The following SLC36A1 variants were observed in gnomAD, a reference collection of about 807,000 sequenced individuals.
SLC36A1 encodes the protein proton-coupled amino acid transporter 1.
Under a neutral mutation model 47.5 loss-of-function variants are expected in SLC36A1, and 30 were observed. The ratio of observed to expected loss-of-function variants is 0.63; its 90% CI spans 0.47 to 0.86. The LOEUF (loss-of-function observed/expected upper bound fraction) is 0.86. Ranked by LOEUF, SLC36A1 falls within the 40% of genes least tolerant of loss-of-function variation. SLC36A1 has a pLI of 0.00. For missense variants in SLC36A1, 517 were observed against 606.0 expected (o/e 0.85, Z 1.54); for synonymous variants, 255 against 249.7 (o/e 1.02, Z -0.20).
At chr5:151,509,232 C>T in the SLC36A1 span, among the ~76,000 whole-genome samples, 18 of 152,326 alleles carry the variant, frequency 1.2e-4, 1 homozygote, top group African/African-American at 4.1e-4. Context: ...ACCAGAACTA[C>T]CTGAGGAGCT....
intron 9 of SLC36A1, chr5:151,477,018 G>T: frequency 1.7e-6 from 1 of 593,502 alleles, no homozygotes; most frequent in South Asian, 1.6e-5. Context: ...AGCTCAGAAG[G>T]ACCGAGTATC....
At chr5:151,437,664 C>A (rs1759849650) in intron 1 of SLC36A1, among the ~76,000 whole-genome samples, 1 of 152,078 alleles carries the variant, frequency 6.6e-6, no homozygotes, top group African/African-American at 2.4e-5. Context: ...TGTTTTAGTT[C>A]TTTATTGCTT....
the SLC36A1 span, among the ~76,000 whole-genome samples, chr5:151,515,726 C>T: frequency 2.6e-5 from 4 of 152,194 alleles, no homozygotes; most frequent in Admixed American, 2.6e-4. Context: ...TCTGTCATCA[C>T]CCTGGTCTAA....
the SLC36A1 span, chr5:151,380,354 G>T: frequency 1.4e-5 from 4 of 293,690 alleles, no homozygotes; most frequent in Non-Finnish European, 2.8e-5. Flanking sequence ...CAGGAGACCG[G>T]CCACAGTTGT....
At chr5:151,528,029 C>T in the SLC36A1 span, 34 of 1,614,244 alleles carry the variant, frequency 2.1e-5, no homozygotes, top group Non-Finnish European at 2.5e-5. Context: ...CCACCTGTAG[C>T]TCCCCCTTTT....
intron 1 of SLC36A1, among the ~76,000 whole-genome samples, chr5:151,441,777 A>G (rs1364342182): frequency 2.0e-5 from 3 of 152,164 alleles, no homozygotes; most frequent in Non-Finnish European, 4.4e-5. Context: ...CTTTTATTGA[A>G]GTATAATTGA....
At chr5:151,510,065 G>A in the SLC36A1 span, 26 of 1,614,034 alleles carry the variant, frequency 1.6e-5, no homozygotes, top group African/African-American at 1.1e-4. Flanking sequence ...AAGCTCCTTT[G>A]GGGGAGAGGA....
At chr5:151,366,188 C>T in the SLC36A1 span, among the ~76,000 whole-genome samples, 1 of 152,172 alleles carries the variant, frequency 6.6e-6, no homozygotes, top group Non-Finnish European at 1.5e-5. Context: ...AAGTGGCCCA[C>T]TCAGATCTGA....
chr5:151,539,510 G>A, the SLC36A1 span, among the ~76,000 whole-genome samples: 1 of 152,182 alleles, frequency 6.6e-6, no homozygotes, highest in South Asian at 2.1e-4. Context: ...ATATGCATAG[G>A]TATTTGCCTG....
At chr5:151,520,371 C>T in the SLC36A1 span, among the ~76,000 whole-genome samples, 7 of 152,310 alleles carry the variant, frequency 4.6e-5, no homozygotes, top group East Asian at 1.9e-4. Context: ...ATTTGAATAA[C>T]GAGGCCTTCA....
In SLC36A1 at chr5:151,458,860, A is replaced by C; in HGVS notation, c.68A>C (p.Glu23Ala). 1.2e-6 allele frequency: 2 copies of C among 1,614,116 alleles called. No homozygotes were observed. Among genetic ancestry groups the C allele is most frequent in the South Asian group, 2.2e-5 (2 of 91,084 alleles). ...DYSSTDVSPE[E>A]SPSEGLNNLS... ...AGCTCCACGGACGTGAGCCCTGAGGAGAGCCCGTCGGAAGGCCTCAACAAC... is the reference window on the plus strand; with the variant it reads ...AGCTCCACGGACGTGAGCCCTGAGGCGAGCCCGTCGGAAGGCCTCAACAAC... The change falls in exon 2 of 11, where the codon GAG becomes GCG. Residue 23 changes from glutamate to alanine, a missense_variant. Glu to Ala is a moderately radical substitution (Grantham distance 107). Coordinates refer to ENST00000243389, the MANE Select transcript of SLC36A1 (RefSeq NM_078483.4).
At chr5:151,347,740 A>G in the SLC36A1 span, 5 of 473,782 alleles carry the variant, frequency 1.1e-5, no homozygotes, top group African/African-American at 7.8e-5. Context: ...AATAATCATA[A>G]TGATAACTAT....
At chr5:151,522,856 C>T in the SLC36A1 span, among the ~76,000 whole-genome samples, 1 of 152,158 alleles carries the variant, frequency 6.6e-6, no homozygotes, top group South Asian at 2.1e-4. Flanking sequence ...CCTGACCTCA[C>T]TGATGGGCTG....
the SLC36A1 span, chr5:151,380,452 C>T: frequency 8.9e-5 from 39 of 436,328 alleles, no homozygotes; most frequent in Admixed American, 1.0e-3. Context: ...TAGCTCAAGA[C>T]CTAGCTAGAT....
At chr5:151,449,974 T>C (rs942554865) in intron 1 of SLC36A1, among the ~76,000 whole-genome samples, 1 of 99,028 alleles carries the variant, frequency 1.0e-5, no homozygotes, top group African/African-American at 3.8e-5. Flanking sequence ...CACTTATTAC[T>C]AGCATGTGGG....
At chr5:151,355,460 C>A in the SLC36A1 span, among the ~76,000 whole-genome samples, 2 of 152,158 alleles carry the variant, frequency 1.3e-5, no homozygotes, top group Non-Finnish European at 2.9e-5. Flanking sequence ...AAAGTGCATT[C>A]CTTTTAACTC....
At chr5:151,347,541 A>ATG in the SLC36A1 span, 1 of 1,545,830 alleles carries the variant, frequency 6.5e-7, no homozygotes, top group African/African-American at 1.4e-5. Context: ...TCTAGTGTAG[A>ATG]TGTACACCCC....
the SLC36A1 span, among the ~76,000 whole-genome samples, chr5:151,537,345 AAAGAAAAAAGAAG>A: frequency 1.1e-5 from 1 of 88,340 alleles, no homozygotes; most frequent in Non-Finnish European, 3.2e-5. Flanking sequence ...AAAGAAAAGA[AAAGAAAAAAGAAG>A]GAAGGAAGGA....
the SLC36A1 span, chr5:151,540,832 G>C: frequency 7.2e-7 from 1 of 1,396,506 alleles, no homozygotes; most frequent in Non-Finnish European, 9.8e-7. Context: ...GTCACAGGTG[G>C]CTGCCCATTG....
Sources: allele counts gnomAD v4.1 joint callset (sites outside exome capture counted in the v4.1 genomes callset), GRCh38; gene constraint gnomAD v4.1.1; transcripts MANE v1.5; gene names NCBI Gene and HGNC (gene_info 2026-07-23, HGNC 2026-07-21).